The following AK2 variants were observed in gnomAD, a reference collection of about 807,000 sequenced individuals.
AK2 encodes the protein adenylate kinase 2, mitochondrial.
Under a neutral mutation model 24.6 loss-of-function variants are expected in AK2, and 15 were observed. That is an observed-to-expected ratio of 0.61 (90% confidence interval 0.41 to 0.94). AK2 has a LOEUF of 0.94. AK2 is among the 40% of genes least tolerant of loss of function. The pLI is 0.00. For missense variants in AK2, 257 were observed against 304.1 expected, an observed-to-expected ratio of 0.85 and a Z score of 1.15; for synonymous variants, 102 against 114.0, an observed-to-expected ratio of 0.90 and a Z score of 0.67.
At chr1:33,033,005 T>C (rs1187800733) in intron 1 of AK2, among the ~76,000 whole-genome samples, 1 of 151,630 alleles carries the variant, frequency 6.6e-6, no homozygotes, top group African/African-American at 2.4e-5. Context: ...CTACTAAAGA[T>C]ACAAAAAATT....
At chr1:33,036,407 T>C (rs1044210502) in intron 1 of AK2, among the ~76,000 whole-genome samples, 2 of 152,206 alleles carry the variant, frequency 1.3e-5, no homozygotes, top group African/African-American at 4.8e-5. Context: ...CCATTCAGCC[T>C]GTAATCTAGA....
chr1:33,028,506 A>G (rs1253931098), intron 1 of AK2, among the ~76,000 whole-genome samples: 2 of 126,250 alleles, frequency 1.6e-5, no homozygotes, highest in African/African-American at 9.5e-5. Context: ...CGTCTCAAGA[A>G]AAAAAAAAAA....
chr1:33,016,957 G>T (rs1186928039), intron 4 of AK2, among the ~76,000 whole-genome samples: 1 of 150,670 alleles, frequency 6.6e-6, no homozygotes, highest in African/African-American at 2.4e-5. Flanking sequence ...CACCCACCTC[G>T]GCCTCCCAAA....
Position 33,013,231 on chromosome 1 carries a change from G to T in AK2, c.670C>A (p.Leu224Ile), listed in dbSNP as rs771562640. 1 of 1,613,798 alleles carries T rather than the reference G, an allele frequency of 6.2e-7. No homozygotes were observed. The part of the protein sequence containing the change: ...QTPDVVFASI[L>I]AAFSKATCKD... ...CATGTGGCTTTGGAGAAGGCTGCTA[G>T]GATGCTTGCGAACACGACATCGGGG... Residue 224 changes from leucine (L) to isoleucine (I), a missense_variant, in exon 6 of 6, where the codon CTA becomes ATA. Physicochemically the swap from Leu to Ile is conservative, Grantham distance 5. Transcript: ENST00000672715.
At position 33,013,187 on chromosome 1, in the gene AK2, A is replaced by T. The variant is rs139639834; in HGVS notation, c.714T>A (p.Phe238Leu). ...SKATCKDLVM[F>L]I ...TTCCTTCTTGGACCCAACATTAGAT[A>T]AACATAACCAAGTCTTTACATGTGG... Residue 238 changes from phenylalanine (F) to leucine (L), a missense_variant, in exon 6 of 6, where the codon TTT (phenylalanine) becomes TTA (leucine). Physicochemically the swap from Phe to Leu is conservative, Grantham distance 22 (BLOSUM62 0). Coordinates refer to ENST00000672715, the MANE Select transcript of AK2 (RefSeq NM_001625.4). 1.2e-6 allele frequency: 2 copies of T among 1,614,022 alleles called. No homozygotes were observed. The highest frequency in any genetic ancestry group is 2.7e-5 in the African/African-American group (2 of 74,920).
At position 33,009,143 on chromosome 1, in the gene AK2, C is replaced by T. The variant is rs1436322381; in HGVS notation, c.*4038G>A. On this transcript the variant is annotated 3_prime_UTR_variant, in exon 6 of 6. Coordinates refer to ENST00000672715, the MANE Select transcript of AK2 (RefSeq NM_001625.4). ...ACAGGATTTAATATGTCAGTGAAGACCCTGCCTCTCTCTGTAACAAGATGC... is the reference window on the plus strand; with the variant it reads ...ACAGGATTTAATATGTCAGTGAAGATCCTGCCTCTCTCTGTAACAAGATGC... The T allele has an allele frequency of 8.8e-6, 4 of 452,206 alleles. No homozygotes were observed. The highest frequency in any genetic ancestry group is 1.8e-5 in the Non-Finnish European group (4 of 225,690). The allele number at this position is 452,206 out of a possible 1,614,324, so 28.0% of individuals were successfully genotyped here. A position where few individuals can be genotyped will look rare whatever the true frequency, so the allele number is the denominator to read the frequency against.
chr1:33,013,590 C>A (rs532160090), intron 5 of AK2, among the ~76,000 whole-genome samples, 188 bp from the exon 6 acceptor site: 12 of 152,262 alleles, frequency 7.9e-5, no homozygotes, highest in African/African-American at 2.9e-4. Context: ...AGGAGCAGAG[C>A]AGCTGGTGAA....
chr1:33,011,800 G>C lies in AK2; in HGVS notation c.*1381C>G, dbSNP rs932109978. 1.6e-5 allele frequency: 24 copies of C among 1,480,062 alleles called. No homozygotes were observed. The highest frequency in any genetic ancestry group is 2.1e-5 in the Non-Finnish European group (23 of 1,113,088). 91.7% of individuals were successfully genotyped at this position (1,480,062 alleles called of 1,614,324 possible). ...TGGGAAGCTAAGGTTATGAATAAAA[G>C]CTGGTAACTGTCACAGGTGGTCTTA... On this transcript the variant is annotated 3_prime_UTR_variant, in exon 6 of 6. Coordinates refer to ENST00000672715, the MANE Select transcript of AK2 (RefSeq NM_001625.4).
At position 33,012,258 on chromosome 1, in the gene AK2, C is replaced by T. The variant is rs1351907555; in HGVS notation, c.*923G>A. 3.9e-6 allele frequency: 6 copies of T among 1,534,822 alleles called. No homozygotes were observed. In the East Asian group the frequency reaches 9.8e-5, roughly 25 times the overall value. On this transcript the variant is annotated 3_prime_UTR_variant, in exon 6 of 6. Transcript: ENST00000672715. ...TCATGATGCAGATCACAAAAATATT[C>T]CAATTTGGCCTGGCTCTTTTTATGA... is the stretch of plus-strand genomic sequence containing the variant.
At chr1:33,028,465 C>T (rs1296350015) in intron 1 of AK2, among the ~76,000 whole-genome samples, 1 of 151,084 alleles carries the variant, frequency 6.6e-6, no homozygotes, top group African/African-American at 2.4e-5. Flanking sequence ...CGTGCCGCTA[C>T]ACTCCAGCCT....
Position 33,011,290 on chromosome 1 carries a change from A to G in AK2, c.*1891T>C. Reference sequence around the variant, plus strand: ...GAGAAGGATCCCAGACCAGGCACACATAGCTGACAGTTTTTGTTTCACTCC... The same window carrying G: ...GAGAAGGATCCCAGACCAGGCACACGTAGCTGACAGTTTTTGTTTCACTCC... On this transcript the variant is annotated 3_prime_UTR_variant, in exon 6 of 6. Transcript: ENST00000672715. The G allele has an allele frequency of 4.6e-6, 6 of 1,292,234 alleles. No individual in the cohort carries two copies. Among genetic ancestry groups the G allele is most frequent in the Non-Finnish European group, 6.0e-6 (6 of 992,250 alleles). The allele number at this position is 1,292,234 out of a possible 1,614,324, so 80.0% of individuals were successfully genotyped here. A position where few individuals can be genotyped will look rare whatever the true frequency, so the allele number is the denominator to read the frequency against.
chr1:33,024,381 T>A, intron 2 of AK2, 61 bp downstream of exon 2: 7 of 1,608,814 alleles, frequency 4.4e-6, no homozygotes, highest in East Asian at 4.5e-5. Context: ...GGCTACCATA[T>A]TGGACAGTGC....
intron 4 of AK2, 22 bp from the exon 5 acceptor site, chr1:33,014,616 T>G (rs764911232): frequency 4.4e-6 from 7 of 1,603,354 alleles, no homozygotes; most frequent in Non-Finnish European, 6.0e-6. Flanking sequence ...CAAATGAATA[T>G]GAGTTAGGTT....
Position 33,011,039 on chromosome 1 carries a change from T to C in AK2, c.*2142A>G, listed in dbSNP as rs1054365518. On this transcript the variant is annotated 3_prime_UTR_variant, in exon 6 of 6. Transcript: ENST00000672715. ...AATCCTAACCATACTGAGAAGGGTA[T>C]ATGCATTCCCTATGAATCTTCCAGT... 2 of 985,444 alleles carry C rather than the reference T, an allele frequency of 2.0e-6. No individual in the cohort carries two copies. Among genetic ancestry groups the C allele is most frequent in the African/African-American group, 1.7e-5 (1 of 57,358 alleles). 61.0% of individuals were successfully genotyped at this position (985,444 alleles called of 1,614,324 possible). A position where few individuals can be genotyped will look rare whatever the true frequency, so the allele number is the denominator to read the frequency against.
chr1:33,020,885 G>A (rs1282183945), intron 4 of AK2, among the ~76,000 whole-genome samples: 1 of 148,562 alleles, frequency 6.7e-6, no homozygotes, highest in African/African-American at 2.5e-5. Context: ...AGTGGCTCAA[G>A]CGTGTAATCC....
intron 1 of AK2, among the ~76,000 whole-genome samples, chr1:33,033,323 C>A (rs1640366478): frequency 6.6e-6 from 1 of 152,126 alleles, no homozygotes; most frequent in South Asian, 2.1e-4. Context: ...TAGTTCAAGA[C>A]CAGCCTGAGC....
intron 1 of AK2, among the ~76,000 whole-genome samples, chr1:33,033,468 A>C (rs976791630): frequency 4.6e-5 from 7 of 152,362 alleles, no homozygotes; most frequent in Non-Finnish European, 1.0e-4. Flanking sequence ...GGGCTACTAC[A>C]CTCCAGCTTG....
At chr1:33,022,617 A>G (rs1312884020) in intron 2 of AK2, among the ~76,000 whole-genome samples, 3 of 152,022 alleles carry the variant, frequency 2.0e-5, no homozygotes, top group African/African-American at 7.2e-5. Flanking sequence ...TCAGCCTCCC[A>G]AAGTGTTAGT....
chr1:33,027,686 G>A (rs1639981488), intron 1 of AK2, among the ~76,000 whole-genome samples: 1 of 151,208 alleles, frequency 6.6e-6, no homozygotes, highest in Admixed American at 6.6e-5. Flanking sequence ...GGTGGAGGTT[G>A]CAGTGAGCGG....
Sources: allele counts gnomAD v4.1 joint callset (sites outside exome capture counted in the v4.1 genomes callset), GRCh38; gene constraint gnomAD v4.1.1; transcripts MANE v1.5; gene names NCBI Gene and HGNC (gene_info 2026-07-23, HGNC 2026-07-21).